RAB38: variants seen among roughly 807,000 people sequenced by gnomAD.
The protein encoded by RAB38 is RAB38, member RAS oncogene family.
RAB38 carries 15 observed loss-of-function variants against 18.4 expected under a neutral mutation model. The observed-to-expected ratio is 0.82, with a 90% CI of 0.55 to 1.26. The LOEUF is 1.26. Ranked by LOEUF, RAB38 falls within the 50% of genes most tolerant of loss-of-function variation. The probability of loss-of-function intolerance (pLI) is 0.00; values close to 1 mark genes in which losing one functional copy is unlikely to be tolerated. For synonymous variants in RAB38, 101 were observed against 104.4 expected, an observed-to-expected ratio of 0.97 and a Z score of 0.20; for missense variants, 294 against 267.4, an observed-to-expected ratio of 1.10 and a Z score of -0.69.
At chr11:88,102,806 A>T in the RAB38 span, among the ~76,000 whole-genome samples, 10 of 152,186 alleles carry the variant, frequency 6.6e-5, no homozygotes, top group Admixed American at 1.3e-4. Context: ...ACAGGCTTGC[A>T]CGCATCTCAG....
intron 1 of RAB38, 73 bp from the exon 2 acceptor site, chr11:88,150,028 C>T: frequency 1.4e-6 from 2 of 1,461,446 alleles, no homozygotes; most frequent in East Asian, 2.3e-5. Context: ...CTTCATGAAG[C>T]CTCCAAGATG....
At chr11:88,067,773 AG>A in the RAB38 span, among the ~76,000 whole-genome samples, 2 of 152,050 alleles carry the variant, frequency 1.3e-5, no homozygotes. Flanking sequence ...GGGGAGGGAA[AG>A]CATTAGGACA....
chr11:88,103,891 C>T, the RAB38 span, among the ~76,000 whole-genome samples: 1 of 152,056 alleles, frequency 6.6e-6, no homozygotes, highest in Admixed American at 6.6e-5. Flanking sequence ...TGGTGTGCTG[C>T]CAGAAGACAA....
At chr11:88,013,143 C>G in the RAB38 span, among the ~76,000 whole-genome samples, 2 of 152,188 alleles carry the variant, frequency 1.3e-5, no homozygotes, top group African/African-American at 2.4e-5. Context: ...AGGTAATAAA[C>G]TTTCACTAAA....
chr11:88,094,233 CTAGA>C, the RAB38 span, among the ~76,000 whole-genome samples: 16 of 151,876 alleles, frequency 1.1e-4, no homozygotes, highest in African/African-American at 3.9e-4. Flanking sequence ...TCTCCAATTC[CTAGA>C]TAGATACACA....
the RAB38 span, among the ~76,000 whole-genome samples, chr11:88,056,355 G>A: frequency 2.6e-5 from 4 of 152,168 alleles, no homozygotes; most frequent in African/African-American, 9.7e-5. Context: ...TCTGGCAGGA[G>A]ATGTAGAGTG....
chr11:87,950,546 G>C, the RAB38 span, among the ~76,000 whole-genome samples: 127 of 152,156 alleles, frequency 8.3e-4, no homozygotes, highest in Middle Eastern at 3.4e-3. Context: ...TCCATGTTTA[G>C]TGCTTCCTTC....
intron 1 of RAB38, among the ~76,000 whole-genome samples, chr11:88,158,683 T>C (rs946537265): frequency 1.3e-5 from 2 of 152,104 alleles, no homozygotes; most frequent in Admixed American, 1.3e-4. Context: ...ATCACCTCAA[T>C]AGACTCAGAA....
the RAB38 span, among the ~76,000 whole-genome samples, chr11:88,080,292 C>G: frequency 6.6e-6 from 1 of 151,562 alleles, no homozygotes; most frequent in Non-Finnish European, 1.5e-5. Context: ...TAAAATATTA[C>G]AACGATGTAA....
At chr11:87,975,451 G>C in the RAB38 span, among the ~76,000 whole-genome samples, 1 of 151,838 alleles carries the variant, frequency 6.6e-6, no homozygotes, top group African/African-American at 2.4e-5. Flanking sequence ...AAACTCTTCA[G>C]ATAGAATGAA....
chr11:88,018,098 G>A, the RAB38 span, among the ~76,000 whole-genome samples: 21 of 152,006 alleles, frequency 1.4e-4, no homozygotes, highest in Admixed American at 8.5e-4. Context: ...TCTTTCTTTT[G>A]TAAATTGCCT....
At chr11:87,923,738 A>G in the RAB38 span, among the ~76,000 whole-genome samples, 1 of 151,932 alleles carries the variant, frequency 6.6e-6, no homozygotes, top group Admixed American at 6.6e-5. Context: ...AATCATCACT[A>G]CCATTAATTA....
the RAB38 span, among the ~76,000 whole-genome samples, chr11:87,899,864 A>G: frequency 6.6e-6 from 1 of 151,772 alleles, no homozygotes; most frequent in East Asian, 2.0e-4. Context: ...TGATTATTTG[A>G]AAACAGTGCC....
At chr11:88,158,511 C>G (rs188590947) in intron 1 of RAB38, among the ~76,000 whole-genome samples, 2 of 151,992 alleles carry the variant, frequency 1.3e-5, no homozygotes, top group Admixed American at 6.6e-5. Flanking sequence ...TAAACATAGA[C>G]ACAAAATTCC....
the RAB38 span, among the ~76,000 whole-genome samples, chr11:88,055,808 C>T: frequency 7.2e-5 from 11 of 152,170 alleles, no homozygotes; most frequent in African/African-American, 2.7e-4. Context: ...AGAAATTTAA[C>T]ACTTAAACTG....
At chr11:87,887,761 AT>A in the RAB38 span, among the ~76,000 whole-genome samples, 1 of 151,932 alleles carries the variant, frequency 6.6e-6, no homozygotes, top group Non-Finnish European at 1.5e-5. Flanking sequence ...TTCATGAATA[AT>A]CCCAGGATTA....
chr11:87,893,382 A>AGATG, the RAB38 span, among the ~76,000 whole-genome samples: 1 of 35,136 alleles, frequency 2.8e-5, no homozygotes, highest in South Asian at 2.6e-3. Flanking sequence ...ATATATATAT[A>AGATG]TATATATATT....
chr11:88,049,438 CT>C, the RAB38 span, among the ~76,000 whole-genome samples: 1 of 152,074 alleles, frequency 6.6e-6, no homozygotes, highest in Admixed American at 6.5e-5. Flanking sequence ...ACCCCCACCC[CT>C]GCCAGCCAGA....
the RAB38 span, among the ~76,000 whole-genome samples, chr11:87,913,994 C>T: frequency 1.3e-5 from 2 of 151,720 alleles, no homozygotes; most frequent in African/African-American, 4.8e-5. Flanking sequence ...TTATAAGAAA[C>T]AGAAAACAGA....
Sources: allele counts gnomAD v4.1 joint callset (sites outside exome capture counted in the v4.1 genomes callset), GRCh38; gene constraint gnomAD v4.1.1; transcripts MANE v1.5; gene names NCBI Gene and HGNC (gene_info 2026-07-23, HGNC 2026-07-21).